GALNTL6: variants seen among roughly 807,000 people sequenced by gnomAD.
The protein encoded by GALNTL6 is polypeptide N-acetylgalactosaminyltransferase like 6.
A neutral mutation model predicts 73.7 loss-of-function variants in GALNTL6; 46 were observed. The ratio of observed to expected loss-of-function variants is 0.62; its 90% CI spans 0.49 to 0.80. GALNTL6 has a LOEUF of 0.80. Ranked by LOEUF, GALNTL6 falls within the 30% of genes least tolerant of loss-of-function variation. The pLI is 0.00. For synonymous variants in GALNTL6, 259 were observed against 263.7 expected, an observed-to-expected ratio of 0.98 and a Z score of 0.17; for missense variants, 604 against 755.0, an observed-to-expected ratio of 0.80 and a Z score of 2.34.
chr4:172,264,797 T>G (rs1160865934), intron 3 of GALNTL6, among the ~76,000 whole-genome samples: 1 of 150,566 alleles, frequency 6.6e-6, no homozygotes, highest in Non-Finnish European at 1.5e-5. Context: ...TTACCTGTAT[T>G]CATGAGCTTT....
intron 3 of GALNTL6, among the ~76,000 whole-genome samples, chr4:172,246,878 G>T (rs1218660415): frequency 1.3e-5 from 2 of 150,842 alleles, no homozygotes; most frequent in African/African-American, 4.9e-5. Flanking sequence ...ATTAATGCCA[G>T]TACTGTAACT....
intron 2 of GALNTL6, among the ~76,000 whole-genome samples, chr4:171,828,831 G>C (rs1368109463): frequency 6.6e-6 from 1 of 151,986 alleles, no homozygotes; most frequent in Non-Finnish European, 1.5e-5. Flanking sequence ...CTATGGTCTA[G>C]TTGTTCGAGA....
chr4:172,941,376 C>A (rs911496547), intron 9 of GALNTL6, among the ~76,000 whole-genome samples: 1 of 152,176 alleles, frequency 6.6e-6, no homozygotes, highest in African/African-American at 2.4e-5. Context: ...TTAATCATTA[C>A]TTTCACTTTG....
chr4:172,545,446 G>A (rs555160012), intron 5 of GALNTL6, among the ~76,000 whole-genome samples: 1 of 152,240 alleles, frequency 6.6e-6, no homozygotes, highest in South Asian at 2.1e-4. Context: ...CCTTCCACAC[G>A]GTTACCAAAT....
intron 3 of GALNTL6, among the ~76,000 whole-genome samples, chr4:172,269,740 CTT>C (rs1560998884): frequency 6.7e-6 from 1 of 149,162 alleles, no homozygotes; most frequent in African/African-American, 2.5e-5. Context: ...CTCTCTCTCT[CTT>C]TAATTTTTTT....
At chr4:172,125,025 G>A (rs960934525) in intron 2 of GALNTL6, among the ~76,000 whole-genome samples, 9 of 152,170 alleles carry the variant, frequency 5.9e-5, no homozygotes, top group East Asian at 3.9e-4. Flanking sequence ...AGTTAAGACC[G>A]AAGAAAAAAT....
At chr4:172,077,858 C>T (rs1731748603) in intron 2 of GALNTL6, among the ~76,000 whole-genome samples, 1 of 152,010 alleles carries the variant, frequency 6.6e-6, no homozygotes, top group African/African-American at 2.4e-5. Flanking sequence ...GCCTGGAGAC[C>T]TAGGAGGAAA....
intron 2 of GALNTL6, among the ~76,000 whole-genome samples, chr4:172,097,336 T>C (rs1414959639): frequency 2.0e-5 from 3 of 152,212 alleles, no homozygotes; most frequent in Non-Finnish European, 2.9e-5. Flanking sequence ...ATGTTAGAAA[T>C]GCATTTCTAG....
chr4:172,170,829 G>A (rs1170536234), intron 2 of GALNTL6, among the ~76,000 whole-genome samples: 1 of 152,032 alleles, frequency 6.6e-6, no homozygotes, highest in Non-Finnish European at 1.5e-5. Flanking sequence ...ATTGTTTATA[G>A]CAGTATGAAA....
intron 7 of GALNTL6, among the ~76,000 whole-genome samples, chr4:172,831,774 A>T (rs1319255297): frequency 6.6e-6 from 1 of 152,176 alleles, no homozygotes; most frequent in Non-Finnish European, 1.5e-5. Context: ...ATGAAGGTAG[A>T]GCTCTCAGGG....
chr4:172,266,290 C>A (rs1240124935), intron 3 of GALNTL6: 1 of 152,088 alleles, frequency 6.6e-6, no homozygotes, highest in Non-Finnish European at 1.5e-5. Flanking sequence ...AGGAAGAATG[C>A]TTAGGGCATA....
intron 10 of GALNTL6, among the ~76,000 whole-genome samples, chr4:172,982,698 A>G (rs1250282567): frequency 6.6e-6 from 1 of 152,170 alleles, no homozygotes; most frequent in Non-Finnish European, 1.5e-5. Flanking sequence ...TCAAATCCTA[A>G]TTTCAAGAAC....
At chr4:172,959,624 C>T (rs542795539) in intron 10 of GALNTL6, among the ~76,000 whole-genome samples, 7 of 152,056 alleles carry the variant, frequency 4.6e-5, no homozygotes, top group East Asian at 1.9e-4. Flanking sequence ...AATCAGGCAG[C>T]GTCAGTCTTC....
At chr4:172,269,101 T>C (rs1738548933) in intron 3 of GALNTL6, among the ~76,000 whole-genome samples, 1 of 152,092 alleles carries the variant, frequency 6.6e-6, no homozygotes, top group Admixed American at 6.6e-5. Flanking sequence ...TGTTACTAAA[T>C]CTGGAGCCTG....
intron 5 of GALNTL6, among the ~76,000 whole-genome samples, chr4:172,642,828 T>C (rs1293686894): frequency 6.6e-6 from 1 of 151,952 alleles, no homozygotes; most frequent in African/African-American, 2.4e-5. Context: ...ACCATAAATA[T>C]ATTCCATTTT....
chr4:173,006,399 G>A (rs187761881), intron 10 of GALNTL6, among the ~76,000 whole-genome samples: 33 of 152,234 alleles, frequency 2.2e-4, no homozygotes, highest in African/African-American at 6.3e-4. Flanking sequence ...AAACCAACAC[G>A]CTGCACTCAG....
chr4:172,013,053 C>A (rs1035737454), intron 2 of GALNTL6, among the ~76,000 whole-genome samples: 1 of 151,986 alleles, frequency 6.6e-6, no homozygotes, highest in Non-Finnish European at 1.5e-5. Context: ...TTTTAATTGA[C>A]ATAATAATTG....
At chr4:172,101,164 C>T (rs572387194) in intron 2 of GALNTL6, among the ~76,000 whole-genome samples, 6 of 152,270 alleles carry the variant, frequency 3.9e-5, no homozygotes, top group Middle Eastern at 3.4e-3. Flanking sequence ...TTTCTCCACA[C>T]TCTTCCCACT....
intron 7 of GALNTL6, among the ~76,000 whole-genome samples, chr4:172,816,423 AT>A (rs1741607823): frequency 6.6e-6 from 1 of 152,320 alleles, no homozygotes; most frequent in Admixed American, 6.5e-5. Flanking sequence ...CATTAACAGT[AT>A]TTAATTATTA....
Sources: gnomAD v4.1 joint callset for allele counts (sites outside exome capture counted in the v4.1 genomes callset) on GRCh38, gnomAD v4.1.1 for gene constraint, MANE v1.5 for transcripts, NCBI Gene and HGNC (gene_info 2026-07-23, HGNC 2026-07-21) for gene names.